Variants in ITGB3 observed in about 807,000 individuals in gnomAD.
ITGB3 encodes the protein integrin subunit beta 3, also known as integrin beta-3.
In ITGB3, 48 loss-of-function variants were observed where a neutral mutation model predicts 85.8. The observed-to-expected ratio is 0.56, with a 90% CI of 0.44 to 0.71. ITGB3 has a LOEUF of 0.71. ITGB3 is among the 30% of genes least tolerant of loss of function. The pLI, the probability that ITGB3 is intolerant of heterozygous loss-of-function variation, is 0.00. For synonymous variants in ITGB3, 363 were observed against 395.6 expected, an observed-to-expected ratio of 0.92 and a Z score of 0.98; for missense variants, 861 against 1,019.1, an observed-to-expected ratio of 0.84 and a Z score of 2.11.
chr17:47,267,127 T>C (rs993290963), intron 1 of ITGB3, among the ~76,000 whole-genome samples: 8 of 152,102 alleles, frequency 5.3e-5, no homozygotes, highest in African/African-American at 1.9e-4. Flanking sequence ...AGCAGCAGCA[T>C]TTATTGAGTA....
At chr17:47,287,899 G>T (rs2065109019) in intron 6 of ITGB3, among the ~76,000 whole-genome samples, 1 of 121,012 alleles carries the variant, frequency 8.3e-6, no homozygotes, top group Non-Finnish European at 1.7e-5. Flanking sequence ...GACAGAGCAA[G>T]AACCACCCCT....
chr17:47,275,431 T>TC (rs1306729556), intron 2 of ITGB3, among the ~76,000 whole-genome samples: 1 of 152,050 alleles, frequency 6.6e-6, no homozygotes, highest in African/African-American at 2.4e-5. Flanking sequence ...TTGAAGAGAT[T>TC]CGGTGATTAT....
In ITGB3 at chr17:47,311,052, T is replaced by C. The variant is rs1479196956; in HGVS notation, c.*848T>C. 6.5e-6 allele frequency: 1 copy of C among 153,140 alleles called. No homozygotes were observed. The allele number at this position is 153,140 out of a possible 1,614,324, so 9.5% of individuals were successfully genotyped here. ...AGGCCAGCACCATCTCTTTACCTCC[T>C]AATTCCACACCCTCACTGCTGTAGA... is the stretch of plus-strand genomic sequence containing the variant. On this transcript the variant is annotated 3_prime_UTR_variant, in exon 15 of 15. Transcript: ENST00000559488.
At chr17:47,254,203 G>A (rs1002690721) in intron 1 of ITGB3, among the ~76,000 whole-genome samples, 4 of 152,082 alleles carry the variant, frequency 2.6e-5, no homozygotes, top group Admixed American at 1.3e-4. Context: ...CTTCCCGGCC[G>A]CCGCGGCGCG....
chr17:47,260,666 C>T (rs1305068889), intron 1 of ITGB3, among the ~76,000 whole-genome samples: 1 of 152,128 alleles, frequency 6.6e-6, no homozygotes. Flanking sequence ...CTGCAAGGAG[C>T]ATGTTTGACC....
intron 9 of ITGB3, chr17:47,291,520 G>T (rs2065125557): frequency 3.3e-6 from 1 of 301,798 alleles, no homozygotes; most frequent in South Asian, 5.1e-5. Flanking sequence ...CTTATTGGTC[G>T]TTTCTCCTCC....
chr17:47,278,441 G>A (rs1207353881), intron 2 of ITGB3, among the ~76,000 whole-genome samples: 2 of 152,128 alleles, frequency 1.3e-5, no homozygotes, highest in African/African-American at 2.4e-5. Context: ...TTAGCTGGGC[G>A]TGGTGGCGCA....
At chr17:47,271,701 C>G (rs980012184) in intron 1 of ITGB3, among the ~76,000 whole-genome samples, 1 of 152,186 alleles carries the variant, frequency 6.6e-6, no homozygotes, top group Admixed American at 6.5e-5. Flanking sequence ...GTTCTAGCAG[C>G]TATAACAAAA....
intron 1 of ITGB3, among the ~76,000 whole-genome samples, chr17:47,256,669 TG>T (rs759014308): frequency 3.3e-5 from 5 of 152,160 alleles, no homozygotes; most frequent in Non-Finnish European, 4.4e-5. Context: ...TAGCGGAGTC[TG>T]CTTTGGGGAG....
intron 10 of ITGB3, among the ~76,000 whole-genome samples, chr17:47,295,351 T>C (rs1303983079): frequency 6.6e-6 from 1 of 151,930 alleles, no homozygotes; most frequent in Non-Finnish European, 1.5e-5. Flanking sequence ...GGGGCTCGTG[T>C]TCCCAATGAC....
At position 47,302,619 on chromosome 17, in the gene ITGB3, C is replaced by T. The variant is rs982587183; in HGVS notation, c.2015-102C>T. The T allele has an allele frequency of 2.8e-5, 40 of 1,429,994 alleles. No individual in the cohort carries two copies. In the African/African-American group the frequency reaches 5.5e-4, roughly 20 times the overall value. The allele number at this position is 1,429,994 out of a possible 1,614,324, so 88.6% of individuals were successfully genotyped here. A position where few individuals can be genotyped will look rare whatever the true frequency, so the allele number is the denominator to read the frequency against. ...ATCGTGCACATGAGGCACAGGGTTT[C>T]CTGTCACATACTTCCCTGGAAGTCC... On this transcript the variant is annotated intron_variant, in intron 12 of 14. Coordinates refer to ENST00000559488, the MANE Select transcript of ITGB3 (RefSeq NM_000212.3).
chr17:47,294,364 C>G (rs1222134703), intron 10 of ITGB3, among the ~76,000 whole-genome samples: 1 of 152,252 alleles, frequency 6.6e-6, no homozygotes, highest in Non-Finnish European at 1.5e-5. Flanking sequence ...GGGGCACCCC[C>G]AGTCCTCCTC....
intron 14 of ITGB3, 87 bp downstream of exon 14, chr17:47,307,724 G>T: frequency 7.9e-7 from 1 of 1,266,648 alleles, no homozygotes; most frequent in Admixed American, 1.9e-5. Flanking sequence ...GTCATGTTCA[G>T]CCAGTACCAT....
Position 47,313,448 on chromosome 17 carries a change from G to A in ITGB3, c.*3244G>A, listed in dbSNP as rs112549377. ...TGCAAGCTTCGCCTCCCGGGTTCAC[G>A]CCATTCTCCTGCCTCAGCCTCCCGA... On this transcript the variant is annotated 3_prime_UTR_variant, in exon 15 of 15. Coordinates refer to ENST00000559488, the MANE Select transcript of ITGB3 (RefSeq NM_000212.3). 7.0e-3 allele frequency among the ~76,000 whole-genome samples: 1,036 copies of A among 147,776 alleles called. 15 individuals are homozygous for A. Among genetic ancestry groups the A allele is most frequent in the African/African-American group, 0.024 (963 of 39,978 alleles).
intron 2 of ITGB3, among the ~76,000 whole-genome samples, chr17:47,282,058 C>T (rs909390514): frequency 6.6e-6 from 1 of 152,158 alleles, no homozygotes; most frequent in Non-Finnish European, 1.5e-5. Context: ...AAGCGATTCT[C>T]CTGCCTCCGT....
At chr17:47,271,783 G>T (rs528006698) in intron 1 of ITGB3, among the ~76,000 whole-genome samples, 1 of 152,122 alleles carries the variant, frequency 6.6e-6, no homozygotes, top group Non-Finnish European at 1.5e-5. Context: ...TCTTGCTCTT[G>T]TTGCCCAGGT....
intron 13 of ITGB3, among the ~76,000 whole-genome samples, chr17:47,304,138 C>T (rs937323404): frequency 6.6e-5 from 10 of 152,208 alleles, no homozygotes; most frequent in African/African-American, 9.6e-5. Context: ...GTGATCCCCC[C>T]GCCTCAGCCC....
intron 1 of ITGB3, among the ~76,000 whole-genome samples, chr17:47,258,209 C>T (rs1383322921): frequency 6.6e-6 from 1 of 152,186 alleles, no homozygotes; most frequent in East Asian, 1.9e-4. Context: ...GCCTCTGCTC[C>T]CTCTTCCTGA....
intron 1 of ITGB3, among the ~76,000 whole-genome samples, chr17:47,272,101 G>A (rs2065046225): frequency 7.0e-6 from 1 of 143,866 alleles, no homozygotes; most frequent in Non-Finnish European, 1.5e-5. Context: ...TCTGGCTCAG[G>A]CTGGAGTGCA....
Sources: gnomAD v4.1 joint callset for allele counts (sites outside exome capture counted in the v4.1 genomes callset) on GRCh38, gnomAD v4.1.1 for gene constraint, MANE v1.5 for transcripts, NCBI Gene and HGNC (gene_info 2026-07-23, HGNC 2026-07-21) for gene names.